The following TTC28 variants were observed in gnomAD, a reference collection of about 807,000 sequenced individuals.
The protein encoded by TTC28 is tetratricopeptide repeat protein 28.
Under a neutral mutation model 198.0 loss-of-function variants are expected in TTC28, and 61 were observed. The observed-to-expected ratio is 0.31, with a 90% CI of 0.25 to 0.38. The LOEUF is 0.38. TTC28 is among the 10% of genes least tolerant of loss of function. TTC28 has a pLI of 1.00. For missense variants in TTC28, 2,678 were observed against 3,164.0 expected (o/e 0.85, Z 3.69); for synonymous variants, 1,171 against 1,297.8 (o/e 0.90, Z 2.10).
intron 1 of TTC28, among the ~76,000 whole-genome samples, chr22:28,676,267 T>C (rs546529043): frequency 8.5e-5 from 13 of 152,288 alleles, no homozygotes; most frequent in Non-Finnish European, 1.9e-4. Flanking sequence ...CAAAAGACCA[T>C]ATGTAGTAAG....
chr22:28,452,633 G>C (rs2047799964), intron 2 of TTC28, among the ~76,000 whole-genome samples: 1 of 152,010 alleles, frequency 6.6e-6, no homozygotes, highest in Admixed American at 6.6e-5. Context: ...CTAAAATATG[G>C]ACATGGCATG....
chr22:28,094,966 G>A (rs1009470314), intron 11 of TTC28, among the ~76,000 whole-genome samples: 12 of 151,996 alleles, frequency 7.9e-5, no homozygotes, highest in Non-Finnish European at 1.5e-4. Flanking sequence ...AAAAAGGAAC[G>A]GAAAAAGAAA....
chr22:28,423,417 A>G (rs968898108), intron 2 of TTC28, among the ~76,000 whole-genome samples: 2 of 151,988 alleles, frequency 1.3e-5, no homozygotes, highest in Non-Finnish European at 2.9e-5. Context: ...AAAAAAGAAA[A>G]CAACAACAAC....
chr22:28,304,963 G>GTTTA (rs200248422), intron 3 of TTC28, among the ~76,000 whole-genome samples: 3,415 of 138,982 alleles, frequency 0.025, 66 homozygotes, highest in Middle Eastern at 0.046. Flanking sequence ...GTCAGAGTTT[G>GTTTA]TTTATTTATT....
At position 28,258,902 on chromosome 22, in the gene TTC28, AGTGTGTGTGTGTGTGTGT is replaced by A. The variant is rs34572491; in HGVS notation, c.933+37278_933+37295del. ...GGAATCTGGCAGTGTTTGGTTAAAG[AGTGTGTGTGTGTGTGTGT>A]GTGTGTGTGTGTCCTACAACCTCAC... On this transcript the variant is annotated intron_variant, in intron 5 of 22. Coordinates refer to ENST00000397906, the MANE Select transcript of TTC28 (RefSeq NM_001145418.2). 4.5e-4 allele frequency among the ~76,000 whole-genome samples: 67 copies of A among 147,824 alleles called. No homozygotes were observed. In the South Asian group the frequency reaches 0.013, roughly 28 times the overall value.
At chr22:28,055,527 C>T (rs1180248837) in intron 12 of TTC28, among the ~76,000 whole-genome samples, 1 of 152,158 alleles carries the variant, frequency 6.6e-6, no homozygotes, top group East Asian at 1.9e-4. Flanking sequence ...GAAAAATAGA[C>T]CTCCGCTTAA....
At chr22:28,354,733 A>G (rs16986346) in intron 2 of TTC28, among the ~76,000 whole-genome samples, 9,851 of 152,282 alleles carry the variant, frequency 0.065, 499 homozygotes, top group Admixed American at 0.14. Flanking sequence ...AAGCAAGCAG[A>G]CAGCACTGGC....
intron 5 of TTC28, among the ~76,000 whole-genome samples, chr22:28,254,066 T>G (rs1253668422): frequency 1.4e-5 from 2 of 147,502 alleles, no homozygotes; most frequent in Non-Finnish European, 1.5e-5. Context: ...ATAACACCAC[T>G]GCACTCCAGC....
intron 2 of TTC28, among the ~76,000 whole-genome samples, chr22:28,451,551 C>T (rs997848604): frequency 3.3e-5 from 5 of 152,128 alleles, no homozygotes; most frequent in African/African-American, 9.7e-5. Flanking sequence ...AGCAGGTCCT[C>T]AAATAACATC....
chr22:28,273,421 T>TA (rs1053369325), intron 5 of TTC28, among the ~76,000 whole-genome samples: 27 of 151,628 alleles, frequency 1.8e-4, no homozygotes, highest in African/African-American at 5.8e-4. Flanking sequence ...TGGATTCTGT[T>TA]AAAAAAAAGA....
At chr22:28,676,391 T>C (rs1021441367) in intron 1 of TTC28, among the ~76,000 whole-genome samples, 7 of 152,190 alleles carry the variant, frequency 4.6e-5, no homozygotes, top group African/African-American at 1.7e-4. Flanking sequence ...GGTATGGGAT[T>C]TCTTGTGGAC....
At chr22:28,208,924 A>C (rs1403276251) in intron 5 of TTC28, among the ~76,000 whole-genome samples, 1 of 152,166 alleles carries the variant, frequency 6.6e-6, no homozygotes, top group Non-Finnish European at 1.5e-5. Context: ...ATCATTCAGA[A>C]GAGCAACTGC....
chr22:28,217,409 C>G (rs1376199157), intron 5 of TTC28, among the ~76,000 whole-genome samples: 1 of 152,150 alleles, frequency 6.6e-6, no homozygotes, highest in Non-Finnish European at 1.5e-5. Context: ...CAAGTCACAT[C>G]TAATTTATGG....
At chr22:28,459,595 C>T (rs1485101522) in intron 2 of TTC28, among the ~76,000 whole-genome samples, 2 of 152,164 alleles carry the variant, frequency 1.3e-5, no homozygotes, top group Admixed American at 6.5e-5. Context: ...TCTTAATTTT[C>T]GCAGAAAGCA....
intron 16 of TTC28, among the ~76,000 whole-genome samples, chr22:27,996,908 C>G (rs1201624505): frequency 6.6e-6 from 1 of 152,196 alleles, no homozygotes; most frequent in Non-Finnish European, 1.5e-5. Context: ...TGGTTTCATC[C>G]AGAACAAAGT....
chr22:28,176,300 T>C (rs1178192276), intron 5 of TTC28, among the ~76,000 whole-genome samples: 1 of 151,804 alleles, frequency 6.6e-6, no homozygotes, highest in Non-Finnish European at 1.5e-5. Flanking sequence ...TTAAGTGAAA[T>C]AAGCCAGACA....
At chr22:28,413,324 G>C (rs2033886497) in intron 2 of TTC28, among the ~76,000 whole-genome samples, 1 of 152,124 alleles carries the variant, frequency 6.6e-6, no homozygotes, top group South Asian at 2.1e-4. Context: ...TGTAGTCCCA[G>C]CTACTCGGGA....
In TTC28 at chr22:28,293,946, A is replaced by C. The variant is rs571396398; in HGVS notation, c.933+2252T>G. ...GACAACCCAAATGGGCCACTGTGAA[A>C]AGGGAATGGCCAGAAGAAGTTGATT... On this transcript the variant is annotated intron_variant, in intron 5 of 22. Coordinates refer to ENST00000397906, the MANE Select transcript of TTC28 (RefSeq NM_001145418.2). Among the ~76,000 whole-genome samples, 8 of 152,306 alleles carry C rather than the reference A, an allele frequency of 5.3e-5. No homozygotes were observed. In the East Asian group the frequency reaches 1.5e-3, roughly 29 times the overall value.
intron 2 of TTC28, among the ~76,000 whole-genome samples, chr22:28,322,547 C>G (rs559829924): frequency 6.6e-6 from 1 of 152,100 alleles, no homozygotes; most frequent in South Asian, 2.1e-4. Flanking sequence ...AATATGTGAG[C>G]TGGTGAAGAA....
Sources: gnomAD v4.1 joint callset for allele counts (sites outside exome capture counted in the v4.1 genomes callset) on GRCh38, gnomAD v4.1.1 for gene constraint, MANE v1.5 for transcripts, NCBI Gene and HGNC (gene_info 2026-07-23, HGNC 2026-07-21) for gene names.